PHF12: variants seen among roughly 807,000 people sequenced by gnomAD.
PHF12 encodes PHD factor 1.
A neutral mutation model predicts 99.8 loss-of-function variants in PHF12; 6 were observed. That is an observed-to-expected ratio of 0.06 (90% confidence interval 0.03 to 0.12). PHF12 has a LOEUF of 0.12. Ranked by LOEUF, PHF12 falls within the 10% of genes least tolerant of loss-of-function variation. PHF12 has a pLI of 1.00. For synonymous variants in PHF12, 480 were observed against 514.9 expected (o/e 0.93, Z 0.92); for missense variants, 954 against 1,300.1 (o/e 0.73, Z 4.09).
chr17:28,910,197 G>C (rs1401683240), intron 11 of PHF12, 29 bp downstream of exon 11: 10 of 1,614,200 alleles, frequency 6.2e-6, no homozygotes, highest in Middle Eastern at 1.6e-4. Context: ...GAGATCTGAT[G>C]ATGTGGTGAC....
rs2039869542 is a variant in PHF12, at chr17:28,906,246, C to T, written c.2952G>A (p.Leu984=). 13 of 1,613,230 alleles carry T rather than the reference C, an allele frequency of 8.1e-6. No individual in the cohort carries two copies. Among genetic ancestry groups the T allele is most frequent in the Non-Finnish European group, 9.3e-6 (11 of 1,179,234 alleles). ...GDASLLQDGV[L]AEKLSLKPHQ... ...GGGGCTTGAGAGAGAGCTTCTCGGC[C>T]AAGACCCCATCCTGCAGCAGGCTGG... The change falls in exon 15 of 15, where the codon TTG becomes TTA. Residue 984 remains leucine (L), a synonymous_variant. Coordinates refer to ENST00000332830, the MANE Select transcript of PHF12 (RefSeq NM_001033561.2). The surrounding 1 kb of genome is among the most constrained non-coding windows in gnomAD (Gnocchi z 4.2).
intron 3 of PHF12, 59 bp from the exon 4 acceptor site, chr17:28,924,361 G>C: frequency 6.2e-7 from 1 of 1,610,128 alleles, no homozygotes; most frequent in Non-Finnish European, 8.5e-7. Context: ...AGAGATGGGT[G>C]CTACAAAGTC....
intron 2 of PHF12, among the ~76,000 whole-genome samples, chr17:28,933,127 C>T (rs17794628): frequency 0.12 from 18,853 of 152,032 alleles, 1,256 homozygotes; most frequent in South Asian, 0.23. Context: ...TCCTGGAGGC[C>T]GTCCTTTATA....
chr17:28,936,835 CAA>C (rs1471753440), intron 2 of PHF12, among the ~76,000 whole-genome samples: 13 of 152,178 alleles, frequency 8.5e-5, no homozygotes, highest in Admixed American at 1.3e-4. Flanking sequence ...AAAAATCCTG[CAA>C]TTATATTTAG....
chr17:28,922,735 G>A (rs1157885670), intron 4 of PHF12, among the ~76,000 whole-genome samples: 6 of 152,042 alleles, frequency 3.9e-5, no homozygotes, highest in African/African-American at 1.5e-4. Context: ...AAATGGCACT[G>A]GTTAAATAAA....
chr17:28,945,869 C>G (rs1001262377), intron 2 of PHF12, among the ~76,000 whole-genome samples: 6 of 152,174 alleles, frequency 3.9e-5, no homozygotes, highest in African/African-American at 1.4e-4. Flanking sequence ...GGTGTGGTGG[C>G]TCACACCTGT....
chr17:28,916,297 T>C (rs2040060418), intron 7 of PHF12, among the ~76,000 whole-genome samples: 1 of 152,106 alleles, frequency 6.6e-6, no homozygotes, highest in African/African-American at 2.4e-5. Flanking sequence ...CAGGTTCTAA[T>C]GATTCTCCTG....
chr17:28,912,200 G>A (rs1013649991), intron 9 of PHF12: 1 of 1,260,072 alleles, frequency 7.9e-7, no homozygotes, highest in African/African-American at 1.5e-5. Context: ...GGAAGGTATG[G>A]GATGGAGTCA....
chr17:28,933,747 C>T (rs1350084279), intron 2 of PHF12, among the ~76,000 whole-genome samples: 1 of 152,102 alleles, frequency 6.6e-6, no homozygotes. Context: ...TTATCATCTA[C>T]CCCATCAAAA....
At chr17:28,947,202 C>G (rs933040258) in intron 2 of PHF12, among the ~76,000 whole-genome samples, 8 of 151,274 alleles carry the variant, frequency 5.3e-5, no homozygotes, top group Admixed American at 3.9e-4. Flanking sequence ...AGGCTGGTCT[C>G]GAACTCCTGA....
chr17:28,935,313 C>T (rs188832458), intron 2 of PHF12, among the ~76,000 whole-genome samples: 4 of 152,162 alleles, frequency 2.6e-5, no homozygotes, highest in Non-Finnish European at 5.9e-5. Flanking sequence ...ACTCTGTCGC[C>T]CAGGCTGGAA....
chr17:28,911,178 G>T lies in PHF12; in HGVS notation c.2149C>A (p.Pro717Thr), dbSNP rs749567150. 1 of 1,614,184 alleles carries T rather than the reference G, an allele frequency of 6.2e-7. No individual in the cohort carries two copies. Among genetic ancestry groups the T allele is most frequent in the South Asian group, 1.1e-5 (1 of 91,088 alleles). ...IGSALTVPSFPANSTAMVDLT... is the reference protein window; with the variant it reads ...IGSALTVPSFTANSTAMVDLT... ...TCCACCATGGCAGTAGAGTTGGCTG[G>T]GAAAGAGGGTACGGTTAAAGCGCTT... is the stretch of plus-strand genomic sequence containing the variant. Residue 717 changes from proline to threonine, a missense_variant, in exon 10 of 15, where the codon CCA (proline) becomes ACA (threonine). By Grantham distance (38) the Pro-to-Thr change is conservative (BLOSUM62 -1). Around this residue, in one of 8 missense-constraint regions of PHF12, gnomAD observed 143 missense variants for 191.8 expected, o/e 0.75. Coordinates refer to ENST00000332830, the MANE Select transcript of PHF12 (RefSeq NM_001033561.2).
chr17:28,917,520 C>T, intron 6 of PHF12, 71 bp from the exon 7 acceptor site: 1 of 1,498,990 alleles, frequency 6.7e-7, no homozygotes, highest in African/African-American at 1.4e-5. Flanking sequence ...AACCCCATTC[C>T]CTGTGTTTAA....
chr17:28,919,083 C>CTA (rs1196317093), intron 6 of PHF12, 60 bp downstream of exon 6: 12 of 1,539,024 alleles, frequency 7.8e-6, no homozygotes, highest in Admixed American at 1.9e-5. Flanking sequence ...ATGCTTTCTG[C>CTA]TAATCAGTCC....
chr17:28,917,493 C>G, intron 6 of PHF12, 44 bp from the exon 7 acceptor site: 13 of 1,555,002 alleles, frequency 8.4e-6, no homozygotes, highest in Non-Finnish European at 1.1e-5. Context: ...CCTCAAAAGG[C>G]ACCTCCTATC....
At chr17:28,918,823 G>C (rs1310291631) in intron 6 of PHF12, among the ~76,000 whole-genome samples, 1 of 152,170 alleles carries the variant, frequency 6.6e-6, no homozygotes, top group Admixed American at 6.5e-5. Flanking sequence ...GACAGCCAAC[G>C]ATTTATTTCC....
rs1333596545 is a variant in PHF12, at chr17:28,951,160, G to T, written c.-200C>A. 1.5e-5 allele frequency: 21 copies of T among 1,428,070 alleles called. No homozygotes were observed. Among genetic ancestry groups the T allele is most frequent in the Non-Finnish European group, 1.9e-5 (21 of 1,095,858 alleles). 88.5% of individuals were successfully genotyped at this position (1,428,070 alleles called of 1,614,324 possible). A position where few individuals can be genotyped will look rare whatever the true frequency, so the allele number is the denominator to read the frequency against. ...AGCGTCCTCCCGACGGGCCGCGAGGGGGGAGCGGCCCCTCAGTCCCGGCCC... is the reference window on the plus strand; with the variant it reads ...AGCGTCCTCCCGACGGGCCGCGAGGTGGGAGCGGCCCCTCAGTCCCGGCCC... On this transcript the variant is annotated 5_prime_UTR_variant, in exon 1 of 15. Coordinates refer to ENST00000332830, the MANE Select transcript of PHF12 (RefSeq NM_001033561.2).
rs1358391465 is a variant in PHF12 at position 28,912,716 on chromosome 17, C to A, written c.1855G>T (p.Val619Phe). ...GPSSCPQRSL[V>F]PVPSLPPSIP... ...GAAGGGGGCAGGCTTGGGACAGGAA[C>A]CAAACTCCTCTGGGGGCAAGAGCTG... The change falls in exon 9 of 15, where the codon GTT becomes TTT. Residue 619 changes from valine (V) to phenylalanine (F), a missense_variant. Val to Phe is a conservative substitution (Grantham distance 50). Transcript: ENST00000332830. The A allele has an allele frequency of 1.9e-6, 3 of 1,614,204 alleles. No homozygotes were observed. Among genetic ancestry groups the A allele is most frequent in the Non-Finnish European group, 2.5e-6 (3 of 1,180,028 alleles).
At chr17:28,932,015 T>C (rs930449076) in intron 2 of PHF12, among the ~76,000 whole-genome samples, 3 of 152,202 alleles carry the variant, frequency 2.0e-5, no homozygotes, top group African/African-American at 7.2e-5. Flanking sequence ...ATGATCATCA[T>C]AGGCATAGCT....
Sources: gnomAD v4.1 joint callset for allele counts (sites outside exome capture counted in the v4.1 genomes callset) on GRCh38, gnomAD v4.1.1 for gene constraint, gnomAD v4.1.1 regional missense constraint, Gnocchi (gnomAD v3.1) non-coding constraint, MANE v1.5 for transcripts, NCBI Gene and HGNC (gene_info 2026-07-23, HGNC 2026-07-21) for gene names.